ENPP6: variants seen among roughly 807,000 people sequenced by gnomAD.
ENPP6 encodes the protein glycerophosphocholine cholinephosphodiesterase ENPP6.
In ENPP6, 32 loss-of-function variants were observed where a neutral mutation model predicts 42.0. The observed-to-expected ratio is 0.76, with a 90% confidence interval of 0.58 to 1.02. ENPP6 has a LOEUF of 1.02. ENPP6 is among the 50% of genes least tolerant of loss of function. The pLI is 0.00. For missense variants in ENPP6, 552 were observed against 566.8 expected (o/e 0.97, Z 0.27); for synonymous variants, 213 against 216.0 (o/e 0.99, Z 0.12).
chr4:184,148,778 C>A (rs143780126), intron 2 of ENPP6, among the ~76,000 whole-genome samples: 1 of 152,184 alleles, frequency 6.6e-6, no homozygotes, highest in African/African-American at 2.4e-5. Context: ...GAGTTTTTAA[C>A]ACATTTCTAT....
chr4:184,149,061 G>A (rs910841756), intron 2 of ENPP6, among the ~76,000 whole-genome samples: 5 of 152,162 alleles, frequency 3.3e-5, no homozygotes, highest in Non-Finnish European at 7.3e-5. Context: ...AAAGTCTAAT[G>A]CCAAACTGGT....
chr4:184,113,962 TCTC>T (rs1019866923), intron 5 of ENPP6, among the ~76,000 whole-genome samples: 4 of 148,974 alleles, frequency 2.7e-5, no homozygotes, highest in African/African-American at 9.9e-5. Context: ...TTTCTTTCTT[TCTC>T]TCTTTCTTTC....
chr4:184,088,775 T>C lies in ENPP6; in HGVS notation c.*2402A>G, dbSNP rs1735734995. On this transcript the variant is annotated 3_prime_UTR_variant, in exon 8 of 8. Coordinates refer to ENST00000296741, the MANE Select transcript of ENPP6 (RefSeq NM_153343.4). Reference sequence around the variant, plus strand: ...GAATCTTCTTTATTGTTTACCAGGATTCATGATTCCTTTTGTAACTTGTTC... The same window carrying C: ...GAATCTTCTTTATTGTTTACCAGGACTCATGATTCCTTTTGTAACTTGTTC... 6.6e-6 allele frequency: 1 copy of C among 152,234 alleles called. No homozygotes were observed. Among genetic ancestry groups the C allele is most frequent in the African/African-American group, 2.4e-5 (1 of 41,462 alleles). 9.4% of individuals were successfully genotyped at this position (152,234 alleles called of 1,614,324 possible).
chr4:184,150,772 C>A (rs892973045), intron 2 of ENPP6, among the ~76,000 whole-genome samples: 6 of 152,338 alleles, frequency 3.9e-5, no homozygotes, highest in African/African-American at 4.8e-5. Context: ...GACTTCAGCA[C>A]AGCCAGATCT....
intron 1 of ENPP6, among the ~76,000 whole-genome samples, chr4:184,205,413 G>T (rs1024725202): frequency 1.3e-4 from 20 of 152,364 alleles, no homozygotes; most frequent in African/African-American, 4.3e-4. Context: ...GCCTTTCTGG[G>T]GAACAAGCAG....
chr4:184,211,277 C>A lies in ENPP6; in HGVS notation c.241+6302G>T, dbSNP rs577656959. Among the ~76,000 whole-genome samples the A allele has an allele frequency of 2.0e-5, 3 of 152,132 alleles. No individual in the cohort carries two copies. The East Asian group carries it at 5.8e-4, about 29-fold the overall frequency. ...GAAAATAGAGACACAAAAAACCCTTCAAAAAATCAATGAATCCAGGAGCTG... is the reference window on the plus strand; with the variant it reads ...GAAAATAGAGACACAAAAAACCCTTAAAAAAATCAATGAATCCAGGAGCTG... On this transcript the variant is annotated intron_variant, in intron 1 of 7. Coordinates refer to ENST00000296741, the MANE Select transcript of ENPP6 (RefSeq NM_153343.4).
intron 2 of ENPP6, among the ~76,000 whole-genome samples, chr4:184,139,621 G>C (rs1736788276): frequency 7.9e-6 from 1 of 127,246 alleles, no homozygotes; most frequent in African/African-American, 3.0e-5. Flanking sequence ...TTGGTTTTTT[G>C]TTCTTGCGAT....
chr4:184,119,730 TG>T (rs983203139), intron 3 of ENPP6, among the ~76,000 whole-genome samples: 1 of 152,112 alleles, frequency 6.6e-6, no homozygotes, highest in African/African-American at 2.4e-5. Context: ...GATTGGAGCA[TG>T]GGGGCTATTC....
At chr4:184,140,187 A>G (rs916852796) in intron 2 of ENPP6, among the ~76,000 whole-genome samples, 1 of 152,080 alleles carries the variant, frequency 6.6e-6, no homozygotes, top group East Asian at 1.9e-4. Flanking sequence ...TACAAGGGAC[A>G]TGAAGGACCT....
chr4:184,193,245 C>T (rs1473535372), intron 1 of ENPP6, among the ~76,000 whole-genome samples: 6 of 152,150 alleles, frequency 3.9e-5, no homozygotes, highest in East Asian at 1.9e-4. Context: ...AAATGTTCAT[C>T]GATTGGTGAA....
At chr4:184,158,856 C>T (rs188887806) in intron 1 of ENPP6, among the ~76,000 whole-genome samples, 29 of 152,230 alleles carry the variant, frequency 1.9e-4, no homozygotes, top group Admixed American at 9.8e-4. Context: ...TCAATAAATT[C>T]ACCATCACTA....
At chr4:184,161,078 CA>C (rs1430218103) in intron 1 of ENPP6, among the ~76,000 whole-genome samples, 1 of 152,018 alleles carries the variant, frequency 6.6e-6, no homozygotes, top group Non-Finnish European at 1.5e-5. Context: ...AGCTTCTGCA[CA>C]GCAAAGGAAA....
At position 184,097,989 on chromosome 4, in the gene ENPP6, C is replaced by T. The variant is rs537491263; in HGVS notation, c.994-621G>A. Among the ~76,000 whole-genome samples the T allele has an allele frequency of 1.3e-3, 199 of 152,366 alleles. 1 individual carries two copies. The highest frequency in any genetic ancestry group is 1.2e-3 in the Non-Finnish European group (80 of 68,032). On this transcript the variant is annotated intron_variant, in intron 6 of 7. Transcript: ENST00000296741. ...GCGATGAAGCCCCACGTGAAGCCCA[C>T]GGGGCGTGCGGTTCCGGAGCCCCTC...
At chr4:184,179,216 G>T (rs181524868) in intron 1 of ENPP6, among the ~76,000 whole-genome samples, 1 of 151,984 alleles carries the variant, frequency 6.6e-6, no homozygotes, top group East Asian at 1.9e-4. Flanking sequence ...AAAAAGCAGG[G>T]GTTGCAATCC....
chr4:184,162,023 A>G (rs1163901092), intron 1 of ENPP6, among the ~76,000 whole-genome samples: 2 of 152,158 alleles, frequency 1.3e-5, no homozygotes, highest in African/African-American at 2.4e-5. Context: ...CCCAAAACCT[A>G]TTGAAATAAT....
Position 184,158,871 on chromosome 4 carries a change from C to A in ENPP6, c.242-5138G>T, listed in dbSNP as rs544727111. Among the ~76,000 whole-genome samples the A allele has an allele frequency of 2.6e-5, 4 of 152,274 alleles. No homozygotes were observed. In the South Asian group the frequency reaches 8.3e-4, roughly 32 times the overall value. On this transcript the variant is annotated intron_variant, in intron 1 of 7. Transcript: ENST00000296741. ...TCAATAAATTCACCATCACTAAGGT[C>A]CTTGGGCTGCATACCTAGAGCTTTG...
intron 2 of ENPP6, among the ~76,000 whole-genome samples, chr4:184,136,006 T>C (rs947903112): frequency 1.3e-5 from 2 of 152,150 alleles, no homozygotes; most frequent in Non-Finnish European, 2.9e-5. Flanking sequence ...ATTAACTACA[T>C]TTCATATCCA....
chr4:184,124,359 G>A, intron 2 of ENPP6, 87 bp from the exon 3 acceptor site: 1 of 920,344 alleles, frequency 1.1e-6, no homozygotes, highest in Non-Finnish European at 1.7e-6. Context: ...AACACCATTA[G>A]TCAAAATCAA....
intron 6 of ENPP6, among the ~76,000 whole-genome samples, chr4:184,104,484 G>A (rs1435029272): frequency 1.3e-5 from 2 of 152,184 alleles, no homozygotes; most frequent in African/African-American, 4.8e-5. Context: ...TGAGCATGGT[G>A]GCATAAAATG....
Sources: allele counts gnomAD v4.1 joint callset (sites outside exome capture counted in the v4.1 genomes callset), GRCh38; gene constraint gnomAD v4.1.1; transcripts MANE v1.5; gene names NCBI Gene and HGNC (gene_info 2026-07-23, HGNC 2026-07-21).